Variants in CIZ1 observed in about 807,000 individuals in gnomAD.
The protein encoded by CIZ1 is cip1-interacting zinc finger protein.
In CIZ1, 58 loss-of-function variants were observed where a neutral mutation model predicts 118.6. The ratio of observed to expected loss-of-function variants is 0.49; its 90% CI spans 0.40 to 0.61. The LOEUF (loss-of-function observed/expected upper bound fraction) is 0.61, where lower values mean the gene tolerates loss of function less well. Ranked by LOEUF, CIZ1 falls within the 20% of genes least tolerant of loss-of-function variation. The pLI is 0.00. For synonymous variants in CIZ1, 448 were observed against 443.4 expected (o/e 1.01, Z -0.13); for missense variants, 921 against 1,115.9 (o/e 0.83, Z 2.49).
intron 12 of CIZ1, chr9:128,169,729 C>G (rs1829902526): frequency 2.0e-6 from 3 of 1,530,218 alleles, no homozygotes; most frequent in Non-Finnish European, 2.6e-6. Flanking sequence ...GATGGCAACA[C>G]AGAGACAGGA....
At chr9:128,169,954 T>C in intron 12 of CIZ1, 66 bp downstream of exon 12, 1 of 1,427,518 alleles carries the variant, frequency 7.0e-7, no homozygotes, top group Non-Finnish European at 9.8e-7. Flanking sequence ...ACTGGGGCTC[T>C]GTGTTGTCTG....
intron 1 of CIZ1, chr9:128,200,077 C>T (rs933505199): frequency 2.6e-5 from 4 of 152,084 alleles, no homozygotes; most frequent in East Asian, 1.9e-4. Flanking sequence ...GTGTGGGCCA[C>T]TGCACCTGGC....
chr9:128,176,520 G>C, intron 10 of CIZ1, 45 bp from the exon 11 acceptor site: 2 of 1,591,136 alleles, frequency 1.3e-6, no homozygotes, highest in Admixed American at 1.7e-5. Flanking sequence ...CGTGAGCCCA[G>C]AACAGTGGGC....
rs766419405 is a variant in CIZ1 at position 128,166,321 on chromosome 9, G to A, written c.2573C>T (p.Ala858Val). The A allele has an allele frequency of 1.3e-6, 2 of 1,568,480 alleles. No individual in the cohort carries two copies. The highest frequency in any genetic ancestry group is 2.3e-5 in the East Asian group (1 of 42,690). The change falls in exon 17 of 17, where the codon GCC becomes GTC. Residue 858 changes from alanine to valine, a missense_variant. Ala to Val is a moderately conservative substitution (Grantham distance 64, BLOSUM62 0). Transcript: ENST00000372938. This position sits in a 1 kb window ranked among gnomAD's most constrained non-coding sequence, Gnocchi z 4.4. The stretch of plus-strand genomic sequence containing the variant: ...TGGGCGGCCGCTGGAGGTGAACAGG[G>A]CTGTCAAAGCGTTCCGGGCGTTGAT... ...CAINARNALT[A>V]LFTSSGRPPS...
intron 11 of CIZ1, among the ~76,000 whole-genome samples, chr9:128,170,821 T>C (rs116815847): frequency 0.019 from 2,961 of 152,232 alleles, 90 homozygotes; most frequent in African/African-American, 0.067. Context: ...GATTCAGGCA[T>C]AAAAATAAAA....
chr9:128,179,421 A>C lies in CIZ1; in HGVS notation c.792-6T>G. 6.4e-7 allele frequency: 1 copy of C among 1,559,336 alleles called. No homozygotes were observed. The highest frequency in any genetic ancestry group is 8.6e-7 in the Non-Finnish European group (1 of 1,157,232). On this transcript the variant is annotated splice_region_variant and splice_polypyrimidine_tract_variant and intron_variant, in intron 7 of 16. Coordinates refer to ENST00000372938, the MANE Select transcript of CIZ1 (RefSeq NM_001131016.2). ...TCTCTGTGGGCTCTTCTGAGCTAGG[A>C]AGGATCAAAAAAAAATCCCAGTCAT... is the stretch of plus-strand genomic sequence containing the variant.
At chr9:128,184,543 A>G in intron 5 of CIZ1, among the ~76,000 whole-genome samples, 1 of 131,120 alleles carries the variant, frequency 7.6e-6, no homozygotes, top group African/African-American at 2.9e-5. Context: ...CCCAGGCTGG[A>G]GTGCAGTAGT....
chr9:128,169,783 ACCCCTGTGAG>A (rs2130906832), intron 12 of CIZ1: 1 of 1,380,948 alleles, frequency 7.2e-7, no homozygotes, highest in East Asian at 2.5e-5. Context: ...TGCCCAAATA[ACCCCTGTGAG>A]CCCCGTGGCT....
rs965749763 is a variant in CIZ1 at position 128,191,466 on chromosome 9, C to A, written c.-40G>T. ...CCGCGCGCCCTCAACGCTCAAGTCGCCCCCACGGATGGGCCGGCCCCGCAG... is the reference window on the plus strand; with the variant it reads ...CCGCGCGCCCTCAACGCTCAAGTCGACCCCACGGATGGGCCGGCCCCGCAG... On this transcript the variant is annotated 5_prime_UTR_variant, in exon 1 of 17. Coordinates refer to ENST00000372938, the MANE Select transcript of CIZ1 (RefSeq NM_001131016.2). This position sits in a 1 kb window ranked among gnomAD's most constrained non-coding sequence, Gnocchi z 5.5. The A allele has an allele frequency of 1.0e-6, 1 of 986,544 alleles. No homozygotes were observed. The allele number at this position is 986,544 out of a possible 1,614,324, so 61.1% of individuals were successfully genotyped here.
intron 1 of CIZ1, among the ~76,000 whole-genome samples, chr9:128,202,325 C>G (rs1833551191): frequency 6.6e-6 from 1 of 152,170 alleles, no homozygotes; most frequent in Non-Finnish European, 1.5e-5. Context: ...TTCTTAAATG[C>G]AGAGATGGAC....
chr9:128,193,588 C>T (rs1310354702), upstream of CIZ1, among the ~76,000 whole-genome samples: 1 of 152,108 alleles, frequency 6.6e-6, no homozygotes, highest in Admixed American at 6.6e-5. Flanking sequence ...GTGGCGGGCG[C>T]CTGTAATCTC....
Position 128,191,088 on chromosome 9 carries a change from C to T in CIZ1, c.-5-226G>A. 6.6e-6 allele frequency among the ~76,000 whole-genome samples: 1 copy of T among 152,116 alleles called. No individual in the cohort carries two copies. Among genetic ancestry groups the T allele is most frequent in the East Asian group, 1.9e-4 (1 of 5,182 alleles). On this transcript the variant is annotated intron_variant, in intron 1 of 16. Transcript: ENST00000372938. This position sits in a 1 kb window ranked among gnomAD's most constrained non-coding sequence, Gnocchi z 5.5. The stretch of plus-strand genomic sequence containing the variant: ...GATTCAACCACCCTCCTGCCAATGC[C>T]CCCCAGACACTGCCAACAGCCCCTC...
chr9:128,171,681 G>A (rs1024314111), intron 11 of CIZ1, among the ~76,000 whole-genome samples: 1 of 151,996 alleles, frequency 6.6e-6, no homozygotes, highest in Non-Finnish European at 1.5e-5. Context: ...AGGTTGCAGT[G>A]AGCCAAGATC....
chr9:128,173,135 CTTTTT>C (rs957423189), intron 11 of CIZ1, among the ~76,000 whole-genome samples: 10 of 80,790 alleles, frequency 1.2e-4, no homozygotes, highest in African/African-American at 4.9e-4. Context: ...TGGCTAATTT[CTTTTT>C]TTTTTTTTTT....
chr9:128,194,867 G>T (rs1424119929), upstream of CIZ1, among the ~76,000 whole-genome samples: 1 of 152,142 alleles, frequency 6.6e-6, no homozygotes, highest in Non-Finnish European at 1.5e-5. Context: ...TCCCAGTCTG[G>T]AGCGCAGTGG....
upstream of CIZ1, among the ~76,000 whole-genome samples, chr9:128,193,609 G>A (rs949241381): frequency 3.3e-5 from 5 of 152,196 alleles, no homozygotes; most frequent in African/African-American, 4.8e-5. Context: ...AGCTACTCGG[G>A]AGGCTGAGGC....
chr9:128,191,464 C>A lies in CIZ1; in HGVS notation c.-38G>T, dbSNP rs1833137934. On this transcript the variant is annotated 5_prime_UTR_variant, in exon 1 of 17. Transcript: ENST00000372938. The surrounding 1 kb of genome is among the most constrained non-coding windows in gnomAD (Gnocchi z 5.5). The stretch of plus-strand genomic sequence containing the variant: ...CCCCGCGCGCCCTCAACGCTCAAGT[C>A]GCCCCCACGGATGGGCCGGCCCCGC... The A allele has an allele frequency of 4.1e-6, 4 of 985,250 alleles. No individual in the cohort carries two copies. Among genetic ancestry groups the A allele is most frequent in the Admixed American group, 6.1e-5 (1 of 16,418 alleles). The allele number at this position is 985,250 out of a possible 1,614,324, so 61.0% of individuals were successfully genotyped here.
At chr9:128,172,648 G>A (rs185330490) in intron 11 of CIZ1, among the ~76,000 whole-genome samples, 100 of 152,290 alleles carry the variant, frequency 6.6e-4, no homozygotes, top group African/African-American at 2.3e-3. Context: ...GACAGAAAGT[G>A]TTCGTGTTGT....
rs373229168 is a variant in CIZ1 at position 128,169,001 on chromosome 9, T to C, written c.2295+51A>G. The C allele has an allele frequency of 2.1e-4, 345 of 1,611,592 alleles. 1 individual carries two copies. The highest frequency in any genetic ancestry group is 1.2e-3 in the Admixed American group (74 of 59,974). On this transcript the variant is annotated intron_variant, in intron 14 of 16. Coordinates refer to ENST00000372938, the MANE Select transcript of CIZ1 (RefSeq NM_001131016.2). ...CCGGGAGGTGGGATGAGGTCTGTCCTGGGCTGGGAATCCAGCACCAAGCCC... is the reference window on the plus strand; with the variant it reads ...CCGGGAGGTGGGATGAGGTCTGTCCCGGGCTGGGAATCCAGCACCAAGCCC...
Sources: gnomAD v4.1 joint callset for allele counts (sites outside exome capture counted in the v4.1 genomes callset) on GRCh38, gnomAD v4.1.1 for gene constraint, Gnocchi (gnomAD v3.1) non-coding constraint, MANE v1.5 for transcripts, NCBI Gene and HGNC (gene_info 2026-07-23, HGNC 2026-07-21) for gene names.